Variants in CDH18 observed in about 807,000 individuals in gnomAD.
CDH18 encodes cadherin-18.
In CDH18, 31 loss-of-function variants were observed where a neutral mutation model predicts 67.9. The ratio of observed to expected loss-of-function variants is 0.46; its 90% CI spans 0.34 to 0.62. The LOEUF is 0.62. Among genes scored for constraint, CDH18 ranks in the 20% least tolerant of loss-of-function variants. The pLI is 0.01. For synonymous variants in CDH18, 362 were observed against 347.2 expected (o/e 1.04, Z -0.48); for missense variants, 890 against 975.5 (o/e 0.91, Z 1.17).
chr5:20,035,580 A>G (rs983284054), intron 2 of CDH18, among the ~76,000 whole-genome samples: 1 of 151,946 alleles, frequency 6.6e-6, no homozygotes, highest in African/African-American at 2.4e-5. Context: ...TTATAAAACC[A>G]TCAGATCTCA....
intron 1 of CDH18, among the ~76,000 whole-genome samples, chr5:20,267,813 T>C (rs917606363): frequency 3.9e-5 from 6 of 152,198 alleles, no homozygotes; most frequent in African/African-American, 1.2e-4. Flanking sequence ...TCAACTATTA[T>C]TTTAGATTCA....
chr5:19,587,285 A>G (rs1561409185), intron 7 of CDH18, among the ~76,000 whole-genome samples: 1 of 152,130 alleles, frequency 6.6e-6, no homozygotes, highest in Non-Finnish European at 1.5e-5. Context: ...TTACTTTTGC[A>G]TCAACCTAAC....
intron 1 of CDH18, among the ~76,000 whole-genome samples, chr5:20,388,075 G>T (rs1744470783): frequency 6.6e-6 from 1 of 152,240 alleles, no homozygotes; most frequent in East Asian, 1.9e-4. Flanking sequence ...GATGATGCTG[G>T]CCTCATAAAA....
At chr5:20,429,075 CTTT>C (rs71599752) in intron 1 of CDH18, among the ~76,000 whole-genome samples, 1 of 146,908 alleles carries the variant, frequency 6.8e-6, no homozygotes, top group Non-Finnish European at 1.5e-5. Flanking sequence ...GCTGATACCT[CTTT>C]TTTTTTTTAA....
Position 20,423,459 on chromosome 5 carries a change from T to TA in CDH18, c.-580+152002_-580+152003insT, listed in dbSNP as rs148900977. Among the ~76,000 whole-genome samples the TA allele has an allele frequency of 2.1e-4, 32 of 150,722 alleles. No individual in the cohort carries two copies. The East Asian group carries it at 6.2e-3, about 29-fold the overall frequency. On this transcript the variant is annotated intron_variant, in intron 1 of 14. Coordinates refer to the CDH18 transcript ENST00000507958. ...ATACACAGCAAATATTGTCAGAGAG[T>TA]TGTGGAAAAACTGTGTCTTGAAAGT... is the stretch of plus-strand genomic sequence containing the variant.
At chr5:20,558,701 T>C (rs900867487) in intron 1 of CDH18, among the ~76,000 whole-genome samples, 1 of 152,110 alleles carries the variant, frequency 6.6e-6, no homozygotes, top group African/African-American at 2.4e-5. Flanking sequence ...AGCACATTTT[T>C]ATTTTGTTTG....
chr5:20,035,365 T>C (rs888893583), intron 2 of CDH18, among the ~76,000 whole-genome samples: 1 of 152,032 alleles, frequency 6.6e-6, no homozygotes, highest in Non-Finnish European at 1.5e-5. Flanking sequence ...CTAAAACACA[T>C]AAAGTGATTG....
chr5:19,608,297 T>C (rs1323821980), intron 6 of CDH18, among the ~76,000 whole-genome samples: 1 of 151,686 alleles, frequency 6.6e-6, no homozygotes, highest in Non-Finnish European at 1.5e-5. Context: ...ACAACTATAA[T>C]AAAATGACCC....
chr5:20,218,365 T>C (rs2126431517), intron 2 of CDH18, among the ~76,000 whole-genome samples: 1 of 152,150 alleles, frequency 6.6e-6, no homozygotes, highest in South Asian at 2.1e-4. Context: ...AAATGAGGAA[T>C]TTTGGAAACT....
chr5:19,842,152 G>A (rs1782390733), intron 2 of CDH18, among the ~76,000 whole-genome samples: 1 of 152,210 alleles, frequency 6.6e-6, no homozygotes, highest in African/African-American at 2.4e-5. Context: ...TGACTGAGCA[G>A]TGTTCAAAGA....
In CDH18 at chr5:20,289,371, G is replaced by A. The variant is rs553008815; in HGVS notation, c.-579-33866C>T. 9.1e-4 allele frequency among the ~76,000 whole-genome samples: 138 copies of A among 152,110 alleles called. 1 individual carries two copies. The highest frequency in any genetic ancestry group is 3.1e-3 in the African/African-American group (128 of 41,538). On this transcript the variant is annotated intron_variant, in intron 1 of 14. Coordinates refer to the CDH18 transcript ENST00000507958. ...TAGAGCTAAAACCTGACCTAGAAAA[G>A]TTTAGCTATAAAAGCTTTATTCCTC... is the stretch of plus-strand genomic sequence containing the variant.
intron 4 of CDH18, among the ~76,000 whole-genome samples, chr5:19,721,715 A>G (rs1186621485): frequency 1.3e-5 from 2 of 152,196 alleles, no homozygotes; most frequent in Non-Finnish European, 2.9e-5. Flanking sequence ...TGTTGGTAAC[A>G]TTGTGAATGA....
chr5:20,023,905 C>T (rs754065288), intron 2 of CDH18, among the ~76,000 whole-genome samples: 6 of 152,102 alleles, frequency 3.9e-5, no homozygotes, highest in Non-Finnish European at 7.4e-5. Flanking sequence ...TCATAACCAA[C>T]TCAATTCTGC....
At chr5:19,524,754 T>G (rs1747466540) in intron 9 of CDH18, among the ~76,000 whole-genome samples, 1 of 151,972 alleles carries the variant, frequency 6.6e-6, no homozygotes, top group Admixed American at 6.6e-5. Flanking sequence ...CTCTCTGCTC[T>G]TTTTTTTCTG....
chr5:19,919,752 A>G (rs908559791), intron 2 of CDH18, among the ~76,000 whole-genome samples: 10 of 152,206 alleles, frequency 6.6e-5, no homozygotes, highest in African/African-American at 2.4e-4. Context: ...TGAAATTTCA[A>G]TTCACTGTGA....
intron 2 of CDH18, among the ~76,000 whole-genome samples, chr5:19,843,050 A>G (rs1277898342): frequency 6.6e-6 from 1 of 152,236 alleles, no homozygotes; most frequent in Non-Finnish European, 1.5e-5. Flanking sequence ...CGTGTGATAG[A>G]AAAGAAAAAC....
intron 9 of CDH18, among the ~76,000 whole-genome samples, chr5:19,531,104 CA>C: frequency 6.6e-6 from 1 of 152,008 alleles, no homozygotes; most frequent in East Asian, 1.9e-4. Flanking sequence ...GCTCCACCTC[CA>C]ATAAATTGTA....
intron 2 of CDH18, among the ~76,000 whole-genome samples, chr5:19,845,103 T>TA (rs1561426945): frequency 6.6e-6 from 1 of 152,266 alleles, no homozygotes. Context: ...CAGCTTCTTT[T>TA]AAAAAATATA....
intron 3 of CDH18, among the ~76,000 whole-genome samples, chr5:19,836,675 A>G (rs1781677585): frequency 1.3e-5 from 2 of 151,586 alleles, no homozygotes; most frequent in African/African-American, 2.4e-5. Flanking sequence ...TACTTTAATT[A>G]GATTTCATTT....
Sources: allele counts gnomAD v4.1 joint callset (sites outside exome capture counted in the v4.1 genomes callset), GRCh38; gene constraint gnomAD v4.1.1; transcripts MANE v1.5; gene names NCBI Gene and HGNC (gene_info 2026-07-23, HGNC 2026-07-21).